Variants in SESN2 observed in about 807,000 individuals in gnomAD.
The protein encoded by SESN2 is sestrin 2, also known as sestrin-2.
SESN2 carries 42 observed loss-of-function variants against 56.0 expected under a neutral mutation model. That is an observed-to-expected ratio of 0.75 (90% confidence interval 0.59 to 0.97). The LOEUF (loss-of-function observed/expected upper bound fraction) is 0.97. SESN2 is among the 50% of genes least tolerant of loss of function. The pLI is 0.00. For missense variants in SESN2, 507 were observed against 649.4 expected (o/e 0.78, Z 2.38); for synonymous variants, 264 against 267.1 (o/e 0.99, Z 0.11).
intron 1 of SESN2, among the ~76,000 whole-genome samples, chr1:28,266,450 C>T (rs1174963202): frequency 6.6e-6 from 1 of 152,014 alleles, no homozygotes; most frequent in Non-Finnish European, 1.5e-5. Context: ...GAAGTAGTTA[C>T]TGCTATCCCC....
chr1:28,278,218 A>G (rs930757453), intron 8 of SESN2, among the ~76,000 whole-genome samples: 8 of 152,056 alleles, frequency 5.3e-5, no homozygotes, highest in Non-Finnish European at 7.4e-5. Context: ...TCTACCTTCC[A>G]TGGCCTTTAC....
chr1:28,272,034 C>T (rs972011873), intron 3 of SESN2, among the ~76,000 whole-genome samples, 163 bp downstream of exon 3: 2 of 152,046 alleles, frequency 1.3e-5, no homozygotes, highest in African/African-American at 4.8e-5. Flanking sequence ...TATTTTTTCT[C>T]AGAAGGAAAA....
At position 28,272,398 on chromosome 1, in the gene SESN2, C is replaced by G. The variant is rs765112783; in HGVS notation, c.469C>G (p.Arg157Gly). Reference protein sequence around the residue: ...LGLHRAPEKLRKLSEINKLLA... With the variant: ...LGLHRAPEKLGKLSEINKLLA... ...CCTCCACCGGGCCCCCGAGAAGCTGCGCAAACTCAGCGAGATCAACAAGTT... is the reference window on the plus strand; with the variant it reads ...CCTCCACCGGGCCCCCGAGAAGCTGGGCAAACTCAGCGAGATCAACAAGTT... The change falls in exon 4 of 10, where the codon CGC becomes GGC. Residue 157 changes from arginine to glycine, a missense_variant. Physicochemically the swap from Arg to Gly is moderately radical, Grantham distance 125 (BLOSUM62 -2). Transcript: ENST00000253063. 3.1e-6 allele frequency: 5 copies of G among 1,613,562 alleles called. No homozygotes were observed. The highest frequency in any genetic ancestry group is 4.2e-6 in the Non-Finnish European group (5 of 1,180,004).
chr1:28,280,665 T>G, intron 9 of SESN2, 51 bp from the exon 10 acceptor site: 1 of 1,406,558 alleles, frequency 7.1e-7, no homozygotes, highest in Non-Finnish European at 1.0e-6. Context: ...GGGAGGGGTG[T>G]GGGGGTGAGG....
At chr1:28,272,882 C>T in intron 5 of SESN2, 89 bp downstream of exon 5, 1 of 685,540 alleles carries the variant, frequency 1.5e-6, no homozygotes, top group Admixed American at 2.9e-5. Flanking sequence ...AATCTCGTAT[C>T]TGCACTACCT....
At chr1:28,264,724 A>G (rs1181415267) in intron 1 of SESN2, among the ~76,000 whole-genome samples, 1 of 152,226 alleles carries the variant, frequency 6.6e-6, no homozygotes, top group African/African-American at 2.4e-5. Flanking sequence ...CACATTTCAA[A>G]TGCTCAGCCA....
chr1:28,262,003 A>T (rs188804981), intron 1 of SESN2, among the ~76,000 whole-genome samples: 85 of 150,318 alleles, frequency 5.7e-4, no homozygotes, highest in Admixed American at 1.8e-3. Context: ...CTGATCTTGA[A>T]CTCCTAACCT....
chr1:28,274,129 GC>G lies in SESN2; in HGVS notation c.992del (p.Ala331ValfsTer21). 6.2e-7 allele frequency: 1 copy of G among 1,613,742 alleles called. No individual in the cohort carries two copies. The highest frequency in any genetic ancestry group is 8.5e-7 in the Non-Finnish European group (1 of 1,179,654). On this transcript the variant is annotated frameshift_variant, in exon 7 of 10. Transcript: ENST00000253063. LOFTEE classifies it high-confidence loss of function. Reference protein sequence around the residue: ...FGYEDFTRRGAQAPPTFRAQD... With the variant: ...FGYEDFTRRGXQAPPTFRAQD... Reference sequence around the variant, plus strand: ...ATATGAGGACTTCACTCGGAGAGGGGCTCAGGCACCCCCTACCTTCCGGGCC... The same window carrying G: ...ATATGAGGACTTCACTCGGAGAGGGGTCAGGCACCCCCTACCTTCCGGGCC...
At chr1:28,263,727 T>G (rs1392479160) in intron 1 of SESN2, among the ~76,000 whole-genome samples, 2 of 152,088 alleles carry the variant, frequency 1.3e-5, no homozygotes, top group African/African-American at 2.4e-5. Context: ...GCTGTTATTA[T>G]GAAGTGGAAT....
intron 7 of SESN2, 28 bp downstream of exon 7, chr1:28,274,186 A>G: frequency 1.4e-6 from 2 of 1,389,896 alleles, no homozygotes; most frequent in Non-Finnish European, 2.0e-6. Flanking sequence ...AGTCTTGGCC[A>G]TTGCTCCACA....
intron 8 of SESN2, among the ~76,000 whole-genome samples, chr1:28,276,878 C>CTT (rs56403975): frequency 1.3e-4 from 15 of 117,958 alleles, no homozygotes; most frequent in African/African-American, 2.6e-4. Context: ...TGCGCCCAGC[C>CTT]TTTTTTTTTT....
rs985897174 is a variant in SESN2 at position 28,271,020 on chromosome 1, A to T, written c.157-654A>T. ...AACATAGTGGGACCCCGTCTGTATT[A>T]AAAAAAAAAGTTAAAAAGAAATAGG... On this transcript the variant is annotated intron_variant, in intron 2 of 9. Coordinates refer to ENST00000253063, the MANE Select transcript of SESN2 (RefSeq NM_031459.5). Among the ~76,000 whole-genome samples, 35 of 149,868 alleles carry T rather than the reference A, an allele frequency of 2.3e-4. 1 individual carries two copies. Among genetic ancestry groups the T allele is most frequent in the African/African-American group, 6.6e-4 (27 of 40,936 alleles).
intron 8 of SESN2, among the ~76,000 whole-genome samples, chr1:28,275,860 C>T (rs1010214322): frequency 6.6e-6 from 1 of 151,992 alleles, no homozygotes; most frequent in Non-Finnish European, 1.5e-5. Flanking sequence ...TCAAGACGAG[C>T]TTGGGCAACA....
chr1:28,267,877 C>T (rs1048643719), intron 1 of SESN2, among the ~76,000 whole-genome samples: 1 of 152,154 alleles, frequency 6.6e-6, no homozygotes, highest in Non-Finnish European at 1.5e-5. Flanking sequence ...AATGACCTGG[C>T]GCTGCTCTCC....
At chr1:28,260,895 A>C (rs149260977) in intron 1 of SESN2, among the ~76,000 whole-genome samples, 1 of 151,938 alleles carries the variant, frequency 6.6e-6, no homozygotes, top group Non-Finnish European at 1.5e-5. Flanking sequence ...CCTTTAACCT[A>C]AGTCCTCAGG....
At position 28,259,941 on chromosome 1, in the gene SESN2, A is replaced by G; in HGVS notation, c.90+4A>G. On this transcript the variant is annotated splice_donor_region_variant and intron_variant, in intron 1 of 9. Transcript: ENST00000253063. ...CGGCGACTCGGGCCCCGGAGAGGTA[A>G]GCGGCGGCCGCGCGACGCCCCTCTT... 1.3e-6 allele frequency: 2 copies of G among 1,498,234 alleles called. No homozygotes were observed. Among genetic ancestry groups the G allele is most frequent in the Non-Finnish European group, 1.8e-6 (2 of 1,129,800 alleles). The allele number at this position is 1,498,234 out of a possible 1,614,324, so 92.8% of individuals were successfully genotyped here.
At chr1:28,278,712 G>C (rs984902052) in intron 8 of SESN2, among the ~76,000 whole-genome samples, 1 of 152,224 alleles carries the variant, frequency 6.6e-6, no homozygotes, top group Non-Finnish European at 1.5e-5. Flanking sequence ...ATTCCTTGCT[G>C]TATTAACTAG....
chr1:28,266,224 A>AT (rs1248872597), intron 1 of SESN2, among the ~76,000 whole-genome samples: 1 of 152,204 alleles, frequency 6.6e-6, no homozygotes, highest in Admixed American at 6.5e-5. Context: ...CCCACCCCAG[A>AT]TAACTAAATT....
chr1:28,274,833 C>T lies in SESN2; in HGVS notation c.1029C>T (p.Thr343=). ...APPTFRAQDY[T]WEDHGYSLIQ... ...CTTCCCACCTACCTAAGGATTATACCTGGGAAGACCATGGCTACTCGCTGA... is the reference window on the plus strand; with the variant it reads ...CTTCCCACCTACCTAAGGATTATACTTGGGAAGACCATGGCTACTCGCTGA... The change falls in exon 8 of 10, where the codon ACC becomes ACT. Residue 343 remains threonine (T), a synonymous_variant. Transcript: ENST00000253063. 1 of 1,612,616 alleles carries T rather than the reference C, an allele frequency of 6.2e-7. No homozygotes were observed. Among genetic ancestry groups the T allele is most frequent in the Non-Finnish European group, 8.5e-7 (1 of 1,179,000 alleles).
Sources: allele counts gnomAD v4.1 joint callset (sites outside exome capture counted in the v4.1 genomes callset), GRCh38; gene constraint gnomAD v4.1.1; transcripts MANE v1.5; gene names NCBI Gene and HGNC (gene_info 2026-07-23, HGNC 2026-07-21).